RTTN: variants seen among roughly 807,000 people sequenced by gnomAD.
RTTN encodes the protein rotatin.
A neutral mutation model predicts 269.2 loss-of-function variants in RTTN; 182 were observed. That is an observed-to-expected ratio of 0.68 (90% CI 0.60 to 0.76). RTTN has a LOEUF of 0.76. Ranked by LOEUF, RTTN falls within the 30% of genes least tolerant of loss-of-function variation. RTTN has a pLI of 0.00. For missense variants in RTTN, 2,545 were observed against 2,608.6 expected (o/e 0.98, Z 0.53); for synonymous variants, 1,006 against 963.5 (o/e 1.04, Z -0.82).
chr18:70,076,482 G>A (rs1397747446), intron 32 of RTTN, among the ~76,000 whole-genome samples: 1 of 151,926 alleles, frequency 6.6e-6, no homozygotes, highest in Non-Finnish European at 1.5e-5. Flanking sequence ...TTACTCTTCA[G>A]GAAGACAAAG....
intron 40 of RTTN, among the ~76,000 whole-genome samples, chr18:70,032,316 C>G (rs2057039093): frequency 6.6e-6 from 1 of 152,200 alleles, no homozygotes. Flanking sequence ...CATACGGTAG[C>G]TCCTGCACTG....
intron 28 of RTTN, among the ~76,000 whole-genome samples, chr18:70,102,648 T>C (rs1278032549): frequency 2.0e-5 from 3 of 152,212 alleles, no homozygotes; most frequent in South Asian, 2.1e-4. Context: ...CGTTAGTTGA[T>C]ACAGTTTCTT....
chr18:70,092,771 T>G lies in RTTN; in HGVS notation c.3937A>C (p.Asn1313His). The change falls in exon 29 of 49, where the codon AAT becomes CAT. Residue 1313 changes from asparagine (N) to histidine (H), a missense_variant. Transcript: ENST00000640769. ...ITSFYVERGG[N>H]AMSFMGKGVT... ...CCTTTTCCCATGAAGGACATAGCAT[T>G]TCCTCCACGCTCCACATAAAAAGAA... 6.2e-7 allele frequency: 1 copy of G among 1,611,510 alleles called. No individual in the cohort carries two copies. Among genetic ancestry groups the G allele is most frequent in the Non-Finnish European group, 8.5e-7 (1 of 1,178,092 alleles).
At position 70,197,819 on chromosome 18, in the gene RTTN, A is replaced by G. The variant is rs372326053; in HGVS notation, c.579-81T>C. 33 of 858,280 alleles carry G rather than the reference A, an allele frequency of 3.8e-5. No individual in the cohort carries two copies. In the Middle Eastern group the frequency reaches 1.8e-3, roughly 48 times the overall value. The allele number at this position is 858,280 out of a possible 1,614,324, so 53.2% of individuals were successfully genotyped here. A position where few individuals can be genotyped will look rare whatever the true frequency, so the allele number is the denominator to read the frequency against. On this transcript the variant is annotated intron_variant, in intron 5 of 48. Coordinates refer to ENST00000640769, the MANE Select transcript of RTTN (RefSeq NM_173630.4). The stretch of plus-strand genomic sequence containing the variant: ...AGTAGCCTACTGACACAATGACTCC[A>G]TTAACAATCTTTTGGGTCTCAGCTG...
chr18:70,115,409 TAA>T, intron 26 of RTTN, among the ~76,000 whole-genome samples: 1 of 151,848 alleles, frequency 6.6e-6, no homozygotes, highest in Middle Eastern at 3.4e-3. Context: ...TAAAGGAATA[TAA>T]GAGGATTATT....
chr18:70,072,969 G>C (rs1231146613), intron 34 of RTTN, among the ~76,000 whole-genome samples: 3 of 151,846 alleles, frequency 2.0e-5, no homozygotes, highest in Non-Finnish European at 4.4e-5. Context: ...CTTGAATCTA[G>C]GGAAAAAAAG....
chr18:70,014,957 G>A (rs2056496045), intron 46 of RTTN, among the ~76,000 whole-genome samples: 1 of 152,118 alleles, frequency 6.6e-6, no homozygotes, highest in Non-Finnish European at 1.5e-5. Context: ...TGGACTGGGA[G>A]TTTCTATCTT....
At chr18:70,143,186 G>T (rs1368562567) in intron 18 of RTTN, among the ~76,000 whole-genome samples, 2 of 151,846 alleles carry the variant, frequency 1.3e-5, no homozygotes, top group Non-Finnish European at 1.5e-5. Context: ...TCTGTCCTTT[G>T]TCCACTTTTT....
At chr18:70,128,029 T>C (rs1057091006) in intron 24 of RTTN, 2 of 442,876 alleles carry the variant, frequency 4.5e-6, no homozygotes, top group African/African-American at 3.9e-5. Context: ...ATCACACTAA[T>C]GATAACACTC....
intron 40 of RTTN, 52 bp downstream of exon 40, chr18:70,047,919 C>G: frequency 1.4e-6 from 2 of 1,408,378 alleles, no homozygotes; most frequent in African/African-American, 1.4e-5. Context: ...GACTGAAAGT[C>G]AATTTATTTA....
intron 40 of RTTN, among the ~76,000 whole-genome samples, chr18:70,043,201 T>C (rs899712547): frequency 1.3e-5 from 2 of 152,192 alleles, no homozygotes; most frequent in African/African-American, 4.8e-5. Flanking sequence ...GCAAAGAGCA[T>C]GGAGCTTGTA....
In RTTN at chr18:70,024,512, G is replaced by A. The variant is rs73970817; in HGVS notation, c.5950+210C>T. Among the ~76,000 whole-genome samples, 4,075 of 152,146 alleles carry A rather than the reference G, an allele frequency of 0.027. 181 individuals carry two copies. Among genetic ancestry groups the A allele is most frequent in the African/African-American group, 0.092 (3,814 of 41,472 alleles). On this transcript the variant is annotated intron_variant, in intron 44 of 48. Transcript: ENST00000640769. ...CCAGTCCTCCCTCTCTATTCCCTGC[G>A]CTGCCAATGACTCTCTCATGTCAAC... is the stretch of plus-strand genomic sequence containing the variant.
chr18:70,177,757 C>T (rs1007118662), intron 10 of RTTN, among the ~76,000 whole-genome samples: 2 of 152,030 alleles, frequency 1.3e-5, no homozygotes, highest in African/African-American at 4.8e-5. Flanking sequence ...CAGGGAACAA[C>T]TAAAAGGTAT....
chr18:70,098,929 G>A (rs550588930), intron 28 of RTTN, among the ~76,000 whole-genome samples: 5 of 152,256 alleles, frequency 3.3e-5, no homozygotes, highest in Admixed American at 6.5e-5. Flanking sequence ...TGCTGAGAAC[G>A]ATGGTTTCCA....
chr18:70,035,819 G>A (rs1031204351), intron 40 of RTTN, among the ~76,000 whole-genome samples: 2 of 152,030 alleles, frequency 1.3e-5, no homozygotes, highest in Admixed American at 1.3e-4. Flanking sequence ...ATCAGACAAA[G>A]GTCTAATATC....
chr18:70,199,303 C>T (rs1207962226), intron 5 of RTTN, 111 bp downstream of exon 5: 2 of 630,014 alleles, frequency 3.2e-6, no homozygotes, highest in African/African-American at 1.9e-5. Context: ...ATGACCATTA[C>T]TACCTTTCAC....
At chr18:70,031,338 G>C (rs1020958599) in intron 40 of RTTN, 10 of 400,640 alleles carry the variant, frequency 2.5e-5, no homozygotes, top group Non-Finnish European at 4.0e-5. Context: ...TGCTGAACAG[G>C]AGAACTGTCA....
At chr18:70,023,819 G>C (rs1182479416) in intron 44 of RTTN, among the ~76,000 whole-genome samples, 1 of 152,138 alleles carries the variant, frequency 6.6e-6, no homozygotes, top group Non-Finnish European at 1.5e-5. Flanking sequence ...GTCTCACTCT[G>C]TTGCCCAGGC....
chr18:70,128,716 ATTCTT>A (rs553582698), intron 23 of RTTN, 170 bp from the exon 24 acceptor site: 820 of 579,902 alleles, frequency 1.4e-3, no homozygotes, highest in Non-Finnish European at 2.2e-3. Flanking sequence ...TATTTCAATT[ATTCTT>A]TTCATCTCCT....
Sources: allele counts gnomAD v4.1 joint callset (sites outside exome capture counted in the v4.1 genomes callset), GRCh38; gene constraint gnomAD v4.1.1; transcripts MANE v1.5; gene names NCBI Gene and HGNC (gene_info 2026-07-23, HGNC 2026-07-21).